The following RAB3B variants were observed in gnomAD, a reference collection of about 807,000 sequenced individuals.
RAB3B encodes ras-related protein Rab-3B.
RAB3B carries 11 observed loss-of-function variants against 20.5 expected under a neutral mutation model. The observed-to-expected ratio is 0.54, with a 90% CI of 0.34 to 0.89. The LOEUF is 0.89. Among genes scored for constraint, RAB3B ranks in the 40% least tolerant of loss-of-function variants. RAB3B has a pLI of 0.02. For synonymous variants in RAB3B, 99 were observed against 106.3 expected, an observed-to-expected ratio of 0.93 and a Z score of 0.42; for missense variants, 225 against 280.9, an observed-to-expected ratio of 0.80 and a Z score of 1.42.
At chr1:51,967,488 C>T (rs1167170) in intron 2 of RAB3B, among the ~76,000 whole-genome samples, 10 of 121,240 alleles carry the variant, frequency 8.2e-5, no homozygotes, top group Non-Finnish European at 1.3e-4. Flanking sequence ...GAATTTATAT[C>T]AGGTATTTTC....
intron 2 of RAB3B, among the ~76,000 whole-genome samples, chr1:51,954,814 T>C (rs1246505153): frequency 6.6e-6 from 1 of 152,230 alleles, no homozygotes; most frequent in African/African-American, 2.4e-5. Context: ...TAAAAAAGGA[T>C]GTATCTTAGA....
At chr1:51,974,221 A>G (rs1684978033) in intron 2 of RAB3B, among the ~76,000 whole-genome samples, 1 of 152,244 alleles carries the variant, frequency 6.6e-6, no homozygotes, top group Non-Finnish European at 1.5e-5. Flanking sequence ...TGTAAGGATG[A>G]TATCAAATAA....
At chr1:51,964,677 C>G (rs891991543) in intron 2 of RAB3B, among the ~76,000 whole-genome samples, 4 of 152,148 alleles carry the variant, frequency 2.6e-5, no homozygotes, top group Non-Finnish European at 4.4e-5. Flanking sequence ...GTCGCTCAGC[C>G]CAAACCCTCA....
chr1:51,935,101 C>T (rs1410032868), intron 3 of RAB3B, among the ~76,000 whole-genome samples: 2 of 152,110 alleles, frequency 1.3e-5, no homozygotes, highest in Non-Finnish European at 2.9e-5. Flanking sequence ...GAACACACAG[C>T]GAAGAAGGTG....
Position 51,912,025 on chromosome 1 carries a change from AG to A in RAB3B, c.*7901del, listed in dbSNP as rs1684005063. The A allele has an allele frequency of 6.6e-6, 1 of 152,148 alleles. No individual in the cohort carries two copies. Among genetic ancestry groups the A allele is most frequent in the Non-Finnish European group, 1.5e-5 (1 of 68,042 alleles). 9.4% of individuals were successfully genotyped at this position (152,148 alleles called of 1,614,324 possible). A position where few individuals can be genotyped will look rare whatever the true frequency, so the allele number is the denominator to read the frequency against. ...GCAAGTTAGGAGCGGACTCAGGGCTAGAAACAGAATCAATAAAATAGGTATT... is the reference window on the plus strand; with the variant it reads ...GCAAGTTAGGAGCGGACTCAGGGCTAAAACAGAATCAATAAAATAGGTATT... On this transcript the variant is annotated 3_prime_UTR_variant, in exon 5 of 5. Coordinates refer to ENST00000371655, the MANE Select transcript of RAB3B (RefSeq NM_002867.4).
At chr1:51,940,295 TA>T (rs1684473037) in intron 2 of RAB3B, among the ~76,000 whole-genome samples, 1 of 152,054 alleles carries the variant, frequency 6.6e-6, no homozygotes, top group African/African-American at 2.4e-5. Flanking sequence ...CAATATGAGG[TA>T]ATATGTCATC....
chr1:51,975,815 A>C (rs892615245), intron 2 of RAB3B, among the ~76,000 whole-genome samples: 1 of 152,122 alleles, frequency 6.6e-6, no homozygotes, highest in African/African-American at 2.4e-5. Flanking sequence ...AACATGGTGA[A>C]ACACCATCTC....
At chr1:51,951,709 G>T (rs531763807) in intron 2 of RAB3B, among the ~76,000 whole-genome samples, 9 of 152,272 alleles carry the variant, frequency 5.9e-5, no homozygotes, top group African/African-American at 2.2e-4. Flanking sequence ...AGCTACTCAG[G>T]AGCCTGAGAT....
chr1:51,946,753 A>G (rs1427286876), intron 2 of RAB3B, among the ~76,000 whole-genome samples: 2 of 152,274 alleles, frequency 1.3e-5, no homozygotes, highest in East Asian at 3.8e-4. Context: ...TAACACTGTT[A>G]GTTGAGCATT....
intron 2 of RAB3B, among the ~76,000 whole-genome samples, chr1:51,940,082 T>C (rs899799239): frequency 3.9e-5 from 6 of 152,264 alleles, no homozygotes; most frequent in African/African-American, 1.4e-4. Flanking sequence ...AGAATATATG[T>C]TGTTACTCTC....
Position 51,913,551 on chromosome 1 carries a change from A to C in RAB3B, c.*6376T>G, listed in dbSNP as rs1684038400. 6.6e-6 allele frequency: 1 copy of C among 151,312 alleles called. No individual in the cohort carries two copies. The highest frequency in any genetic ancestry group is 1.5e-5 in the Non-Finnish European group (1 of 67,920). The allele number at this position is 151,312 out of a possible 1,614,324, so 9.4% of individuals were successfully genotyped here. A position where few individuals can be genotyped will look rare whatever the true frequency, so the allele number is the denominator to read the frequency against. On this transcript the variant is annotated 3_prime_UTR_variant, in exon 5 of 5. Coordinates refer to ENST00000371655, the MANE Select transcript of RAB3B (RefSeq NM_002867.4). Reference sequence around the variant, plus strand: ...CAGTGGTGCGATTTAGGCTCATTGCAACCTCCTCCTCCTGGGTTCAAGCAA... The same window carrying C: ...CAGTGGTGCGATTTAGGCTCATTGCCACCTCCTCCTCCTGGGTTCAAGCAA...
chr1:51,928,531 C>T (rs577679548), intron 4 of RAB3B, among the ~76,000 whole-genome samples: 5 of 152,234 alleles, frequency 3.3e-5, no homozygotes, highest in Non-Finnish European at 7.3e-5. Context: ...CATTACTGCA[C>T]TGGCAAAGAT....
intron 2 of RAB3B, among the ~76,000 whole-genome samples, chr1:51,968,311 A>C (rs947698842): frequency 6.6e-6 from 1 of 152,262 alleles, no homozygotes; most frequent in African/African-American, 2.4e-5. Flanking sequence ...CAGCAACAGG[A>C]AACTAATAGA....
chr1:51,912,586 T>C lies in RAB3B; in HGVS notation c.*7341A>G, dbSNP rs1571951430. 1 of 87,206 alleles carries C rather than the reference T, an allele frequency of 1.1e-5. No individual in the cohort carries two copies. Among genetic ancestry groups the C allele is most frequent in the African/African-American group, 4.6e-5 (1 of 21,936 alleles). The allele number at this position is 87,206 out of a possible 1,614,324, so 5.4% of individuals were successfully genotyped here. ...ATATATATATATATATATATATATA[T>C]ATATATATATATATAAAAAATGTTA... On this transcript the variant is annotated 3_prime_UTR_variant, in exon 5 of 5. Transcript: ENST00000371655.
chr1:51,979,949 G>A (rs1685064797), intron 1 of RAB3B, among the ~76,000 whole-genome samples: 1 of 151,890 alleles, frequency 6.6e-6, no homozygotes, highest in South Asian at 2.1e-4. Context: ...GCTGAGGCAG[G>A]AAAATGGCGT....
intron 4 of RAB3B, 57 bp downstream of exon 4, chr1:51,933,261 A>T (rs929577652): frequency 1.3e-6 from 2 of 1,581,790 alleles, no homozygotes; most frequent in African/African-American, 2.7e-5. Context: ...TGTTTACCCC[A>T]CTCTCATGAG....
chr1:51,936,383 T>A (rs188062464), intron 3 of RAB3B, among the ~76,000 whole-genome samples: 7 of 152,314 alleles, frequency 4.6e-5, no homozygotes, highest in Admixed American at 4.6e-4. Context: ...TTGGACTGTA[T>A]GTGCTCCTGG....
chr1:51,961,048 A>T (rs1418846786), intron 2 of RAB3B, among the ~76,000 whole-genome samples: 3 of 152,194 alleles, frequency 2.0e-5, no homozygotes. Context: ...GTTCAGAGAC[A>T]TTACTTATCA....
intron 4 of RAB3B, among the ~76,000 whole-genome samples, chr1:51,930,950 G>C (rs985190627): frequency 3.3e-5 from 5 of 152,076 alleles, no homozygotes; most frequent in African/African-American, 9.7e-5. Context: ...CCGGGAGGCA[G>C]AGGTTGCAGT....
Sources: gnomAD v4.1 joint callset for allele counts (sites outside exome capture counted in the v4.1 genomes callset) on GRCh38, gnomAD v4.1.1 for gene constraint, MANE v1.5 for transcripts, NCBI Gene and HGNC (gene_info 2026-07-23, HGNC 2026-07-21) for gene names.